GYPC: variants seen among roughly 807,000 people sequenced by gnomAD.
GYPC encodes glycophorin-C.
Under a neutral mutation model 12.6 loss-of-function variants are expected in GYPC, and 14 were observed. That is an observed-to-expected ratio of 1.11 (90% CI 0.74 to 1.74). GYPC has a LOEUF of 1.74. Ranked by LOEUF, GYPC falls within the 40% of genes most tolerant of loss-of-function variation. The probability of loss-of-function intolerance (pLI) is 0.00; values close to 1 mark genes in which losing one functional copy is unlikely to be tolerated. For synonymous variants in GYPC, 78 were observed against 62.1 expected, an observed-to-expected ratio of 1.26 and a Z score of -1.20; for missense variants, 225 against 172.1, an observed-to-expected ratio of 1.31 and a Z score of -1.72.
intron 3 of GYPC, among the ~76,000 whole-genome samples, chr2:126,694,609 A>G (rs968270013): frequency 7.9e-5 from 12 of 152,030 alleles, no homozygotes; most frequent in Non-Finnish European, 1.8e-4. Context: ...GCATTCTCCA[A>G]CTCATTGCAC....
Position 126,684,722 on chromosome 2 carries a change from T to G in GYPC, c.50-5533T>G, listed in dbSNP as rs1000191954. Reference sequence around the variant, plus strand: ...AGCGTAGAAGGTGCTACAAAAGGTTTGCTGAAGGAAAGAATGAACCGGCAC... The same window carrying G: ...AGCGTAGAAGGTGCTACAAAAGGTTGGCTGAAGGAAAGAATGAACCGGCAC... On this transcript the variant is annotated intron_variant, in intron 1 of 3. Coordinates refer to ENST00000259254, the MANE Select transcript of GYPC (RefSeq NM_002101.5). 3.9e-5 allele frequency among the ~76,000 whole-genome samples: 6 copies of G among 152,206 alleles called. 1 individual carries two copies. Among genetic ancestry groups the G allele is most frequent in the Admixed American group, 3.3e-4 (5 of 15,278 alleles).
intron 1 of GYPC, among the ~76,000 whole-genome samples, chr2:126,671,201 G>A (rs115962253): frequency 0.01 from 1,549 of 152,288 alleles, 36 homozygotes; most frequent in African/African-American, 0.035. Context: ...GGTAGGAGGG[G>A]CTCTTGTAGT....
intron 1 of GYPC, among the ~76,000 whole-genome samples, chr2:126,660,183 T>G (rs1682496898): frequency 6.6e-6 from 1 of 152,228 alleles, no homozygotes. Flanking sequence ...ACTGAGGAAC[T>G]GCATGCACAG....
chr2:126,669,716 G>A (rs1262548616), intron 1 of GYPC, among the ~76,000 whole-genome samples: 4 of 152,180 alleles, frequency 2.6e-5, no homozygotes, highest in Admixed American at 6.5e-5. Flanking sequence ...CTTTCAGGAC[G>A]TGGCGGTCAC....
chr2:126,656,283 C>A lies in GYPC; in HGVS notation c.20C>A (p.Pro7His). The change falls in exon 1 of 4, where the codon CCC becomes CAC. Residue 7 changes from proline to histidine, a missense_variant. Transcript: ENST00000259254. The stretch of plus-strand genomic sequence containing the variant: ...CCAGGAATGTGGTCGACGAGAAGCC[C>A]CAACAGCACGGCGTGGCCTCTCAGC... Reference protein sequence around the residue: MWSTRSPNSTAWPLSLE... With the variant: MWSTRSHNSTAWPLSLE... The A allele has an allele frequency of 4.4e-6, 7 of 1,603,582 alleles. No homozygotes were observed. The highest frequency in any genetic ancestry group is 5.9e-6 in the Non-Finnish European group (7 of 1,176,610).
intron 1 of GYPC, chr2:126,685,699 C>A: frequency 1.2e-6 from 1 of 821,388 alleles, no homozygotes; most frequent in African/African-American, 1.8e-5. Flanking sequence ...ATTGACTTTT[C>A]TAACCAGGCT....
chr2:126,689,690 C>T (rs1320918389), intron 1 of GYPC, among the ~76,000 whole-genome samples: 4 of 152,064 alleles, frequency 2.6e-5, no homozygotes, highest in Non-Finnish European at 4.4e-5. Context: ...GGTCTCTTTG[C>T]GAATGTCAGA....
At chr2:126,671,037 G>A (rs1217481299) in intron 1 of GYPC, among the ~76,000 whole-genome samples, 1 of 152,126 alleles carries the variant, frequency 6.6e-6, no homozygotes, top group African/African-American at 2.4e-5. Flanking sequence ...TGACCCCATT[G>A]CACCTCAACC....
At chr2:126,656,612 G>T (rs1682364751) in intron 1 of GYPC, among the ~76,000 whole-genome samples, 2 of 152,272 alleles carry the variant, frequency 1.3e-5, no homozygotes, top group Non-Finnish European at 2.9e-5. Flanking sequence ...GTTTCTTTGT[G>T]CGGGGCATGT....
At chr2:126,673,094 A>C (rs1682894854) in intron 1 of GYPC, among the ~76,000 whole-genome samples, 1 of 151,982 alleles carries the variant, frequency 6.6e-6, no homozygotes, top group Non-Finnish European at 1.5e-5. Context: ...GGTACTTTTC[A>C]TCTGCTTGAT....
chr2:126,691,390 G>A (rs1017646428), intron 2 of GYPC, among the ~76,000 whole-genome samples: 1 of 151,998 alleles, frequency 6.6e-6, no homozygotes, highest in Non-Finnish European at 1.5e-5. Context: ...AGGGGTGACT[G>A]CCCCTCGCAC....
At chr2:126,680,085 T>C (rs868478453) in intron 1 of GYPC, 2 of 152,226 alleles carry the variant, frequency 1.3e-5, no homozygotes, top group African/African-American at 2.4e-5. Context: ...TCACTCACTG[T>C]ACATGCACAA....
Position 126,666,744 on chromosome 2 carries a change from CACACACACACACAT to C in GYPC, c.49+10434_49+10447del, listed in dbSNP as rs1442989665. On this transcript the variant is annotated intron_variant, in intron 1 of 3. Coordinates refer to ENST00000259254, the MANE Select transcript of GYPC (RefSeq NM_002101.5). ...ACACACACACACACACACACACACA[CACACACACACACAT>C]ATGCACGCACACACACAAGCACACA... Among the ~76,000 whole-genome samples the C allele has an allele frequency of 3.0e-3, 412 of 135,938 alleles. 2 individuals are homozygous for C. The highest frequency in any genetic ancestry group is 0.01 in the African/African-American group (389 of 37,840). The allele number at this position is 135,938 out of a possible 152,430, so 89.2% of individuals were successfully genotyped here. A position where few individuals can be genotyped will look rare whatever the true frequency, so the allele number is the denominator to read the frequency against.
In GYPC at chr2:126,690,145, C is replaced by T. The variant is rs575181939; in HGVS notation, c.50-110C>T. 4.9e-6 allele frequency: 4 copies of T among 814,404 alleles called. No homozygotes were observed. The East Asian group carries it at 7.3e-5, about 15-fold the overall frequency. 50.4% of individuals were successfully genotyped at this position (814,404 alleles called of 1,614,324 possible). ...CCACACTGTCTCTGTCCACTTGAACCCATTCTCAGAGCTGCTCACACCTGA... is the reference window on the plus strand; with the variant it reads ...CCACACTGTCTCTGTCCACTTGAACTCATTCTCAGAGCTGCTCACACCTGA... On this transcript the variant is annotated intron_variant, in intron 1 of 3. Coordinates refer to ENST00000259254, the MANE Select transcript of GYPC (RefSeq NM_002101.5).
At chr2:126,695,677 T>C (rs1683619294) in intron 3 of GYPC, among the ~76,000 whole-genome samples, 1 of 97,054 alleles carries the variant, frequency 1.0e-5, no homozygotes, top group Non-Finnish European at 2.1e-5. Context: ...TGACTTTAGG[T>C]TAATGTTAAG....
intron 1 of GYPC, among the ~76,000 whole-genome samples, chr2:126,676,991 T>A (rs1347257254): frequency 6.6e-6 from 1 of 152,200 alleles, no homozygotes; most frequent in Non-Finnish European, 1.5e-5. Flanking sequence ...GGTACCCAGC[T>A]GCTCCAGGAG....
In GYPC at chr2:126,696,143, G is replaced by A. The variant is rs745348448; in HGVS notation, c.*1G>A. ...CAGCAGAAAGGAGTACTTTATTTGA[G>A]GGACAACAGACTTCACTTCCCTGAA... On this transcript the variant is annotated 3_prime_UTR_variant, in exon 4 of 4. Coordinates refer to ENST00000259254, the MANE Select transcript of GYPC (RefSeq NM_002101.5). 22 of 1,611,136 alleles carry A rather than the reference G, an allele frequency of 1.4e-5. No individual in the cohort carries two copies. In the African/African-American group the frequency reaches 1.9e-4, roughly 14 times the overall value.
At chr2:126,684,102 G>A (rs1037582983) in intron 1 of GYPC, among the ~76,000 whole-genome samples, 2 of 152,170 alleles carry the variant, frequency 1.3e-5, no homozygotes, top group Non-Finnish European at 2.9e-5. Flanking sequence ...TGTCAAAGCA[G>A]TACAGCTAAA....
At chr2:126,693,656 G>A (rs1479323283) in intron 2 of GYPC, among the ~76,000 whole-genome samples, 2 of 152,148 alleles carry the variant, frequency 1.3e-5, no homozygotes, top group African/African-American at 4.8e-5. Flanking sequence ...GGTTCAAACA[G>A]TTCCATCCCA....
Sources: allele counts gnomAD v4.1 joint callset (sites outside exome capture counted in the v4.1 genomes callset), GRCh38; gene constraint gnomAD v4.1.1; transcripts MANE v1.5; gene names NCBI Gene and HGNC (gene_info 2026-07-23, HGNC 2026-07-21).